LRIG1: variants seen among roughly 807,000 people sequenced by gnomAD.
The protein encoded by LRIG1 is leucine-rich repeats and immunoglobulin-like domains protein 1.
Under a neutral mutation model 99.2 loss-of-function variants are expected in LRIG1, and 48 were observed. The ratio of observed to expected loss-of-function variants is 0.48; its 90% CI spans 0.38 to 0.62. The LOEUF (loss-of-function observed/expected upper bound fraction) is 0.62, where lower values mean the gene tolerates loss of function less well. Among genes scored for constraint, LRIG1 ranks in the 20% least tolerant of loss-of-function variants. The probability of loss-of-function intolerance (pLI) is 0.00; values close to 1 mark genes in which losing one functional copy is unlikely to be tolerated. For synonymous variants in LRIG1, 772 were observed against 596.1 expected (o/e 1.29, Z -4.30); for missense variants, 1,646 against 1,434.4 (o/e 1.15, Z -2.38).
At chr3:66,403,103 C>G (rs1702124449) in intron 9 of LRIG1, among the ~76,000 whole-genome samples, 1 of 152,128 alleles carries the variant, frequency 6.6e-6, no homozygotes, top group Non-Finnish European at 1.5e-5. Flanking sequence ...TCCTGAACCC[C>G]AAGTGCCCGT....
At chr3:66,385,563 G>C (rs1467544510) in intron 13 of LRIG1, among the ~76,000 whole-genome samples, 3 of 152,106 alleles carry the variant, frequency 2.0e-5, no homozygotes, top group Non-Finnish European at 4.4e-5. Flanking sequence ...AGCAATTCTT[G>C]TGCCTCAGCC....
chr3:66,381,596 G>C lies in LRIG1; in HGVS notation c.2653C>G (p.Pro885Ala), dbSNP rs747564790. The C allele has an allele frequency of 5.6e-6, 9 of 1,613,940 alleles. No homozygotes were observed. Among genetic ancestry groups the C allele is most frequent in the Non-Finnish European group, 7.6e-6 (9 of 1,179,912 alleles). The stretch of plus-strand genomic sequence containing the variant: ...CTGCAGGCAACGCTGTGAGTGTCGG[G>C]CTCTGGAAAGTGGCTTGCATCTCTT... ...CPRDASHFPE[P>A]DTHSVACRQP... is the part of the protein sequence containing the mutation. The change falls in exon 17 of 19, where the codon CCC (proline) becomes GCC (alanine). Residue 885 changes from proline to alanine, a missense_variant. Coordinates refer to ENST00000273261, the MANE Select transcript of LRIG1 (RefSeq NM_015541.3).
chr3:66,413,107 G>A, intron 5 of LRIG1, 93 bp from the exon 6 acceptor site: 1 of 1,455,994 alleles, frequency 6.9e-7, no homozygotes, highest in Admixed American at 1.8e-5. Context: ...TTCCAAGCCA[G>A]AGGAGAAATC....
intron 1 of LRIG1, among the ~76,000 whole-genome samples, chr3:66,483,035 CTAACAGATCAA>C (rs1391230223): frequency 1.3e-5 from 2 of 152,128 alleles, no homozygotes; most frequent in Non-Finnish European, 2.9e-5. Flanking sequence ...AGTAACTAGG[CTAACAGATCAA>C]TAGCACCCCC....
intron 1 of LRIG1, among the ~76,000 whole-genome samples, chr3:66,492,306 CA>C (rs1701119303): frequency 6.6e-6 from 1 of 152,080 alleles, no homozygotes; most frequent in African/African-American, 2.4e-5. Context: ...CCAAGATAAG[CA>C]GTAAAATATT....
chr3:66,409,764 A>G (rs1702404620), intron 7 of LRIG1: 1 of 183,804 alleles, frequency 5.4e-6, no homozygotes, highest in South Asian at 1.6e-4. Flanking sequence ...ACACACAGTC[A>G]CTCTCAAAAT....
At chr3:66,474,592 C>A (rs534717649) in intron 1 of LRIG1, among the ~76,000 whole-genome samples, 37 of 152,190 alleles carry the variant, frequency 2.4e-4, no homozygotes, top group Admixed American at 5.2e-4. Flanking sequence ...GTGATCCGCC[C>A]GCCTCGGCCT....
chr3:66,420,503 T>C (rs1424949154), intron 3 of LRIG1, among the ~76,000 whole-genome samples: 1 of 152,210 alleles, frequency 6.6e-6, no homozygotes, highest in East Asian at 1.9e-4. Flanking sequence ...AAGAGACATG[T>C]GTATCCTCAC....
intron 2 of LRIG1, among the ~76,000 whole-genome samples, chr3:66,460,830 A>T (rs1700339241): frequency 6.6e-6 from 1 of 152,206 alleles, no homozygotes. Context: ...ACCATTTCCA[A>T]GGCCCCTTCC....
At position 66,380,056 on chromosome 3, in the gene LRIG1, A is replaced by C; in HGVS notation, c.*207T>G. The C allele has an allele frequency of 2.0e-6, 1 of 492,398 alleles. No individual in the cohort carries two copies. The allele number at this position is 492,398 out of a possible 1,614,324, so 30.5% of individuals were successfully genotyped here. On this transcript the variant is annotated 3_prime_UTR_variant, in exon 19 of 19. Coordinates refer to ENST00000273261, the MANE Select transcript of LRIG1 (RefSeq NM_015541.3). ...TCTCTGAAAACTCTTATGTACAATG[A>C]TATCAAATACTTTTTTTGCCTTTTG...
intron 9 of LRIG1, chr3:66,401,484 T>C (rs1011193484): frequency 1.8e-5 from 10 of 556,864 alleles, no homozygotes; most frequent in Non-Finnish European, 2.9e-5. Flanking sequence ...TTAGTCACAT[T>C]GACCTGTTTT....
At position 66,386,236 on chromosome 3, in the gene LRIG1, T is replaced by C; in HGVS notation, c.1534A>G (p.Ile512Val). The change falls in exon 13 of 19, where the codon ATC becomes GTC. Residue 512 changes from isoleucine (I) to valine (V), a missense_variant. Ile to Val is a conservative substitution (Grantham distance 29, BLOSUM62 3). Transcript: ENST00000273261. ...ETTMAMVGKD[I>V]RFTCSAASSS... The stretch of plus-strand genomic sequence containing the variant: ...CTGGCTGCTGAGCATGTAAACCGGA[T>C]GTCCTTGCCCACCATAGCCATGGTG... 1 of 1,614,086 alleles carries C rather than the reference T, an allele frequency of 6.2e-7. No individual in the cohort carries two copies. The highest frequency in any genetic ancestry group is 8.5e-7 in the Non-Finnish European group (1 of 1,180,002).
intron 1 of LRIG1, among the ~76,000 whole-genome samples, chr3:66,479,466 T>C (rs1700799367): frequency 6.6e-6 from 1 of 152,210 alleles, no homozygotes; most frequent in Non-Finnish European, 1.5e-5. Context: ...CCTGTAGATC[T>C]TCAAAGTCTT....
At chr3:66,433,293 G>T (rs999994911) in intron 3 of LRIG1, among the ~76,000 whole-genome samples, 1 of 152,224 alleles carries the variant, frequency 6.6e-6, no homozygotes, top group Admixed American at 6.5e-5. Flanking sequence ...AGGCTGTGCC[G>T]CTCTCTGGAG....
rs546644164 is a variant in LRIG1 at position 66,412,464 on chromosome 3, C to T, written c.791+407G>A. Among the ~76,000 whole-genome samples, 47 of 152,318 alleles carry T rather than the reference C, an allele frequency of 3.1e-4. 1 individual carries two copies. In the East Asian group the frequency reaches 6.0e-3, roughly 19 times the overall value. ...ATCAACCAACTTATCTGACTCAATC[C>T]GCTGAAACTTCCCCCAAGTGGATTT... On this transcript the variant is annotated intron_variant, in intron 6 of 18. Transcript: ENST00000273261.
At position 66,383,073 on chromosome 3, in the gene LRIG1, G is replaced by C; in HGVS notation, c.2400C>G (p.Val800=). ...GTGACGTCAGGACGATGCTGCTCAC[G>C]ACAGCAATGGTGAAGATGCCTACCG... is the stretch of plus-strand genomic sequence containing the variant. ...GTTVGIFTIA[V]VSSIVLTSLV... Residue 800 remains valine, a synonymous_variant, in exon 15 of 19, where the codon GTC becomes GTG. Coordinates refer to ENST00000273261, the MANE Select transcript of LRIG1 (RefSeq NM_015541.3). The C allele has an allele frequency of 6.2e-7, 1 of 1,614,204 alleles. No homozygotes were observed. Among genetic ancestry groups the C allele is most frequent in the Non-Finnish European group, 8.5e-7 (1 of 1,180,020 alleles).
At chr3:66,383,601 G>C (rs550128249) in intron 14 of LRIG1, among the ~76,000 whole-genome samples, 200 bp from the exon 15 acceptor site, 1 of 152,308 alleles carries the variant, frequency 6.6e-6, no homozygotes, top group Admixed American at 6.5e-5. Flanking sequence ...CACAGGGACA[G>C]TGAACCTCTG....
intron 1 of LRIG1, among the ~76,000 whole-genome samples, chr3:66,462,866 A>G (rs1042453762): frequency 6.6e-5 from 10 of 152,094 alleles, no homozygotes; most frequent in Admixed American, 1.3e-4. Context: ...TCTTAACGGC[A>G]TTTTTTTAAA....
chr3:66,381,730 T>A, intron 16 of LRIG1, 99 bp from the exon 17 acceptor site: 1 of 1,378,374 alleles, frequency 7.3e-7, no homozygotes, highest in South Asian at 1.4e-5. Context: ...AGTCATTTTT[T>A]TTAAAAAGTT....
Sources: gnomAD v4.1 joint callset for allele counts (sites outside exome capture counted in the v4.1 genomes callset) on GRCh38, gnomAD v4.1.1 for gene constraint, MANE v1.5 for transcripts, NCBI Gene and HGNC (gene_info 2026-07-23, HGNC 2026-07-21) for gene names.